MCU: variants seen among roughly 807,000 people sequenced by gnomAD.
The protein encoded by MCU is calcium uniporter protein, mitochondrial.
In MCU, 12 loss-of-function variants were observed where a neutral mutation model predicts 45.2. The observed-to-expected ratio is 0.27, with a 90% CI of 0.17 to 0.43. The LOEUF (loss-of-function observed/expected upper bound fraction) is 0.43. Among genes scored for constraint, MCU ranks in the 20% least tolerant of loss-of-function variants. The probability of loss-of-function intolerance (pLI) is 1.00; values close to 1 mark genes in which losing one functional copy is unlikely to be tolerated. For synonymous variants in MCU, 160 were observed against 165.1 expected (o/e 0.97, Z 0.24); for missense variants, 324 against 436.7 (o/e 0.74, Z 2.30).
At chr10:72,871,333 T>C (rs372672701) in intron 5 of MCU, 44 bp from the exon 6 acceptor site, 118 of 1,578,698 alleles carry the variant, frequency 7.5e-5, no homozygotes, top group African/African-American at 7.4e-4. Flanking sequence ...CCTTTTTAGA[T>C]TGGTTTTATG....
At chr10:72,838,542 G>A (rs1027249324) in intron 2 of MCU, among the ~76,000 whole-genome samples, 2 of 152,036 alleles carry the variant, frequency 1.3e-5, no homozygotes, top group African/African-American at 4.8e-5. Flanking sequence ...GCCCAAGGAG[G>A]TCAAGGCTGC....
chr10:72,882,670 T>G (rs1056424309), intron 6 of MCU, among the ~76,000 whole-genome samples: 3 of 152,204 alleles, frequency 2.0e-5, no homozygotes, highest in Admixed American at 6.5e-5. Flanking sequence ...ATGACAATGG[T>G]GCCCGAAACT....
intron 1 of MCU, among the ~76,000 whole-genome samples, chr10:72,706,265 T>A (rs1842818577): frequency 6.6e-6 from 1 of 152,034 alleles, no homozygotes; most frequent in South Asian, 2.1e-4. Flanking sequence ...TGAAACCTTT[T>A]CGTAGTAAAA....
intron 2 of MCU, among the ~76,000 whole-genome samples, chr10:72,855,246 A>C (rs1242798562): frequency 6.6e-6 from 1 of 152,146 alleles, no homozygotes; most frequent in Non-Finnish European, 1.5e-5. Flanking sequence ...CTCAAAAAAA[A>C]TAAAAATAAA....
intron 1 of MCU, among the ~76,000 whole-genome samples, chr10:72,761,652 T>A (rs1291343608): frequency 1.3e-5 from 2 of 152,184 alleles, no homozygotes; most frequent in African/African-American, 4.8e-5. Context: ...ATTTCTTTTT[T>A]TAAAAGTATT....
At chr10:72,862,353 G>T (rs1845391883) in intron 4 of MCU, among the ~76,000 whole-genome samples, 1 of 152,016 alleles carries the variant, frequency 6.6e-6, no homozygotes, top group Non-Finnish European at 1.5e-5. Context: ...TGTTGTTAAT[G>T]CCCCTTCCAC....
chr10:72,799,501 T>A (rs977420993), intron 1 of MCU, among the ~76,000 whole-genome samples: 20 of 151,928 alleles, frequency 1.3e-4, no homozygotes, highest in Non-Finnish European at 2.1e-4. Context: ...TTTTTTTTTT[T>A]AAACAAGATG....
At chr10:72,754,331 C>T (rs980536173) in intron 1 of MCU, among the ~76,000 whole-genome samples, 1 of 152,162 alleles carries the variant, frequency 6.6e-6, no homozygotes, top group Non-Finnish European at 1.5e-5. Context: ...CTATTTGAGT[C>T]CGGAGCTTAT....
rs758278264 is a variant in MCU, at chr10:72,692,219, C to G, written c.68C>G (p.Ala23Gly). 1.6e-6 allele frequency: 2 copies of G among 1,246,556 alleles called. No individual in the cohort carries two copies. Among genetic ancestry groups the G allele is most frequent in the East Asian group, 3.1e-5 (1 of 31,836 alleles). The allele number at this position is 1,246,556 out of a possible 1,614,324, so 77.2% of individuals were successfully genotyped here. A position where few individuals can be genotyped will look rare whatever the true frequency, so the allele number is the denominator to read the frequency against. The change falls in exon 1 of 8, where the codon GCC becomes GGC. Residue 23 changes from alanine to glycine, a missense_variant. Ala to Gly is a moderately conservative substitution (Grantham distance 60, BLOSUM62 0). Around this residue, in one of 4 missense-constraint regions of MCU, gnomAD observed 111 missense variants for 112.3 expected, o/e 0.99. Transcript: ENST00000373053. ...LSSRGGGGGGAGGCGALTAGC... is the reference protein window; with the variant it reads ...LSSRGGGGGGGGGCGALTAGC... ...TCTCGGGGCGGCGGCGGCGGGGGCG[C>G]CGGCGGCTGCGGGGCGCTGACTGCC...
intron 4 of MCU, among the ~76,000 whole-genome samples, chr10:72,862,649 C>T (rs984820109): frequency 6.6e-6 from 1 of 152,208 alleles, no homozygotes; most frequent in Non-Finnish European, 1.5e-5. Context: ...TGCTCACTCA[C>T]TGGCCTCCTC....
At chr10:72,856,351 TTTG>T (rs1411858911) in intron 2 of MCU, among the ~76,000 whole-genome samples, 1 of 152,176 alleles carries the variant, frequency 6.6e-6, no homozygotes, top group African/African-American at 2.4e-5. Context: ...AAGAATGTAT[TTTG>T]TTATTTATAA....
At chr10:72,862,832 G>A (rs1012988365) in intron 4 of MCU, among the ~76,000 whole-genome samples, 5 of 151,764 alleles carry the variant, frequency 3.3e-5, no homozygotes, top group African/African-American at 1.2e-4. Flanking sequence ...GCCGAGGCAG[G>A]AGGATTGCTT....
intron 1 of MCU, among the ~76,000 whole-genome samples, chr10:72,750,477 T>C (rs1442773273): frequency 6.6e-6 from 1 of 152,236 alleles, no homozygotes; most frequent in African/African-American, 2.4e-5. Context: ...TCAGTACGCT[T>C]ATTTAGGCTT....
chr10:72,819,444 ATTTG>A (rs1844676736), intron 1 of MCU, among the ~76,000 whole-genome samples: 1 of 152,054 alleles, frequency 6.6e-6, no homozygotes, highest in Middle Eastern at 3.2e-3. Flanking sequence ...TTGTTTGTTT[ATTTG>A]TTTATTTTTT....
intron 1 of MCU, among the ~76,000 whole-genome samples, chr10:72,790,832 C>T (rs1844147640): frequency 6.6e-6 from 1 of 152,170 alleles, no homozygotes; most frequent in African/African-American, 2.4e-5. Flanking sequence ...CCTAGGATCT[C>T]ATTCCAGTAT....
At chr10:72,859,737 T>C (rs549547583) in intron 3 of MCU, among the ~76,000 whole-genome samples, 1 of 152,346 alleles carries the variant, frequency 6.6e-6, no homozygotes, top group East Asian at 1.9e-4. Context: ...TAAAGAAGTA[T>C]ATAATTTGAA....
At chr10:72,805,101 C>CTTTCTCTTTCTTTCTTTCTT (rs1554824914) in intron 1 of MCU, among the ~76,000 whole-genome samples, 10 of 103,454 alleles carry the variant, frequency 9.7e-5, no homozygotes, top group South Asian at 3.6e-4. Context: ...TTCTTTCTTT[C>CTTTCTCTTTCTTTCTTTCTT]TCTTTCTTTC....
intron 2 of MCU, among the ~76,000 whole-genome samples, chr10:72,845,489 A>G (rs1451841857): frequency 6.6e-6 from 1 of 152,222 alleles, no homozygotes; most frequent in East Asian, 1.9e-4. Context: ...GTCCCAAAAG[A>G]GTATAATACT....
At chr10:72,725,661 G>A (rs187322620) in intron 1 of MCU, among the ~76,000 whole-genome samples, 26 of 140,434 alleles carry the variant, frequency 1.9e-4, no homozygotes, top group Admixed American at 1.8e-3. Context: ...GGCTGAGGTC[G>A]GTGGATCACC....
Sources: gnomAD v4.1 joint callset for allele counts (sites outside exome capture counted in the v4.1 genomes callset) on GRCh38, gnomAD v4.1.1 for gene constraint, gnomAD v4.1.1 regional missense constraint, MANE v1.5 for transcripts, NCBI Gene and HGNC (gene_info 2026-07-23, HGNC 2026-07-21) for gene names.